CSMD1: variants seen among roughly 807,000 people sequenced by gnomAD.
CSMD1 encodes CUB and Sushi multiple domains 1.
CSMD1 carries 213 observed loss-of-function variants against 417.5 expected under a neutral mutation model. That is an observed-to-expected ratio of 0.51 (90% CI 0.46 to 0.57). The LOEUF is 0.57. Among genes scored for constraint, CSMD1 ranks in the 20% least tolerant of loss-of-function variants. The pLI is 0.00. For synonymous variants in CSMD1, 2,862 were observed against 1,736.8 expected (o/e 1.65, Z -16.11); for missense variants, 6,923 against 4,529.7 (o/e 1.53, Z -15.17).
chr8:3,459,073 G>A (rs780711969), intron 12 of CSMD1, among the ~76,000 whole-genome samples: 50 of 152,332 alleles, frequency 3.3e-4, no homozygotes, highest in Middle Eastern at 3.4e-3. Context: ...GCGCCAGTGT[G>A]GGGGAGAACG....
chr8:4,428,539 T>C (rs1003793698), intron 2 of CSMD1, among the ~76,000 whole-genome samples: 4 of 152,182 alleles, frequency 2.6e-5, no homozygotes, highest in Admixed American at 1.3e-4. Flanking sequence ...CACAGAAGTA[T>C]GTTAACATGT....
At chr8:3,635,227 G>A (rs117946787) in intron 7 of CSMD1, among the ~76,000 whole-genome samples, 2,632 of 152,146 alleles carry the variant, frequency 0.017, 41 homozygotes, top group South Asian at 0.048. Flanking sequence ...TGTAATCCCA[G>A]CACTTTCAGA....
chr8:4,191,946 T>G (rs1387321518), intron 3 of CSMD1, among the ~76,000 whole-genome samples: 3 of 152,180 alleles, frequency 2.0e-5, no homozygotes, highest in African/African-American at 7.2e-5. Context: ...TTAAACCAAC[T>G]GCACCCACAG....
At chr8:4,173,530 T>A (rs1464370690) in intron 3 of CSMD1, among the ~76,000 whole-genome samples, 2 of 152,070 alleles carry the variant, frequency 1.3e-5, no homozygotes, top group Non-Finnish European at 2.9e-5. Flanking sequence ...ACCATCCTCT[T>A]GTGGTTTACA....
At chr8:3,484,310 G>T (rs1206807205) in intron 11 of CSMD1, among the ~76,000 whole-genome samples, 1 of 152,134 alleles carries the variant, frequency 6.6e-6, no homozygotes, top group Non-Finnish European at 1.5e-5. Context: ...TTTGATGAAG[G>T]CAGAAAAGCA....
chr8:4,117,153 C>A (rs551458722), intron 3 of CSMD1, among the ~76,000 whole-genome samples: 5 of 151,954 alleles, frequency 3.3e-5, no homozygotes, highest in Admixed American at 2.0e-4. Context: ...AAGACAGACA[C>A]GTCCTCGAAT....
intron 2 of CSMD1, among the ~76,000 whole-genome samples, chr8:4,543,169 G>T (rs1797476891): frequency 6.6e-6 from 1 of 151,984 alleles, no homozygotes; most frequent in South Asian, 2.1e-4. Context: ...GTCCATTATT[G>T]ACATTCTATT....
At chr8:3,036,846 T>G (rs746206397) in intron 50 of CSMD1, among the ~76,000 whole-genome samples, 1 of 152,172 alleles carries the variant, frequency 6.6e-6, no homozygotes, top group African/African-American at 2.4e-5. Context: ...AATAGCTTTT[T>G]GGGGTACAAG....
chr8:4,333,697 A>G (rs1010572264), intron 3 of CSMD1, among the ~76,000 whole-genome samples: 5 of 152,100 alleles, frequency 3.3e-5, no homozygotes, highest in East Asian at 1.9e-4. Flanking sequence ...ATTTAATGAG[A>G]AAGAGTTGTA....
At chr8:3,217,541 C>T (rs748551927) in intron 29 of CSMD1, among the ~76,000 whole-genome samples, 14 of 151,664 alleles carry the variant, frequency 9.2e-5, no homozygotes, top group Non-Finnish European at 1.8e-4. Context: ...TTGTTGGGGG[C>T]GTGGGGGGCT....
At chr8:3,584,882 A>G (rs1291902040) in intron 9 of CSMD1, among the ~76,000 whole-genome samples, 1 of 152,196 alleles carries the variant, frequency 6.6e-6, no homozygotes, top group Admixed American at 6.5e-5. Context: ...TGGGAACATG[A>G]ATTTTAGTAC....
intron 3 of CSMD1, among the ~76,000 whole-genome samples, chr8:4,351,753 C>G (rs766663830): frequency 6.6e-6 from 1 of 152,128 alleles, no homozygotes; most frequent in Non-Finnish European, 1.5e-5. Flanking sequence ...GCAAGACCCA[C>G]TTGAGAAGAT....
chr8:4,361,825 G>A (rs1167771793), intron 3 of CSMD1, among the ~76,000 whole-genome samples: 3 of 152,010 alleles, frequency 2.0e-5, no homozygotes, highest in Admixed American at 6.5e-5. Flanking sequence ...CGTGGTGCGG[G>A]GCGCCTGTAC....
At chr8:4,321,277 G>A (rs974806227) in intron 3 of CSMD1, among the ~76,000 whole-genome samples, 3 of 152,020 alleles carry the variant, frequency 2.0e-5, no homozygotes, top group Non-Finnish European at 4.4e-5. Flanking sequence ...TCGGTGTGTT[G>A]GTATGTTCAG....
At chr8:4,624,137 G>C (rs1240175306) in intron 2 of CSMD1, among the ~76,000 whole-genome samples, 1 of 152,006 alleles carries the variant, frequency 6.6e-6, no homozygotes. Context: ...TCTAATTTAG[G>C]AAACCAAAAT....
intron 6 of CSMD1, among the ~76,000 whole-genome samples, chr8:3,733,681 G>A (rs1050468163): frequency 5.9e-5 from 9 of 152,134 alleles, no homozygotes; most frequent in Admixed American, 2.6e-4. Flanking sequence ...CTGGAGTTGG[G>A]AGTCACTCAG....
intron 3 of CSMD1, among the ~76,000 whole-genome samples, chr8:4,263,132 T>C (rs1158159226): frequency 6.6e-6 from 1 of 152,156 alleles, no homozygotes; most frequent in Admixed American, 6.5e-5. Context: ...ATATCACTTA[T>C]TTTTTCAAAA....
intron 2 of CSMD1, among the ~76,000 whole-genome samples, chr8:4,486,316 CT>C: frequency 6.7e-6 from 1 of 148,518 alleles, no homozygotes; most frequent in South Asian, 2.1e-4. Flanking sequence ...TTTTATCCCC[CT>C]AGCTACAAAT....
chr8:4,843,314 A>G (rs1800947137), intron 1 of CSMD1, among the ~76,000 whole-genome samples: 1 of 152,142 alleles, frequency 6.6e-6, no homozygotes, highest in Admixed American at 6.5e-5. Flanking sequence ...CTACCACCAG[A>G]GATTCACTCC....
Sources: gnomAD v4.1 joint callset for allele counts (sites outside exome capture counted in the v4.1 genomes callset) on GRCh38, gnomAD v4.1.1 for gene constraint, MANE v1.5 for transcripts, NCBI Gene and HGNC (gene_info 2026-07-23, HGNC 2026-07-21) for gene names.